Variants in PRICKLE1 observed in about 807,000 individuals in gnomAD.
PRICKLE1 encodes prickle-like protein 1.
In PRICKLE1, 14 loss-of-function variants were observed where a neutral mutation model predicts 70.2. That is an observed-to-expected ratio of 0.20 (90% CI 0.13 to 0.31). PRICKLE1 has a LOEUF of 0.31. PRICKLE1 is among the 10% of genes least tolerant of loss of function. The pLI, the probability that PRICKLE1 is intolerant of heterozygous loss-of-function variation, is 1.00. For synonymous variants in PRICKLE1, 357 were observed against 379.9 expected, an observed-to-expected ratio of 0.94 and a Z score of 0.70; for missense variants, 821 against 1,026.2, an observed-to-expected ratio of 0.80 and a Z score of 2.73.
At position 42,458,657 on chromosome 12, in the gene PRICKLE1, T is replaced by C. The variant is rs1217197587; in HGVS notation, c.*1152A>G. On this transcript the variant is annotated 3_prime_UTR_variant, in exon 8 of 8. Coordinates refer to ENST00000345127, the MANE Select transcript of PRICKLE1 (RefSeq NM_153026.3). The stretch of plus-strand genomic sequence containing the variant: ...AGGGAAGGAATAAAAAGGAATAACC[T>C]CTCTTAAAATAACAAATCTACAAAG... 6.6e-6 allele frequency: 1 copy of C among 152,154 alleles called. No homozygotes were observed. Among genetic ancestry groups the C allele is most frequent in the Non-Finnish European group, 1.5e-5 (1 of 68,034 alleles). The allele number at this position is 152,154 out of a possible 1,614,324, so 9.4% of individuals were successfully genotyped here.
chr12:42,553,599 G>A (rs879424412), intron 1 of PRICKLE1, among the ~76,000 whole-genome samples: 1 of 152,094 alleles, frequency 6.6e-6, no homozygotes, highest in Non-Finnish European at 1.5e-5. Flanking sequence ...CCTTGGGCAA[G>A]TTACTTAACC....
chr12:42,566,118 G>A (rs952846933), intron 1 of PRICKLE1, among the ~76,000 whole-genome samples: 36 of 152,208 alleles, frequency 2.4e-4, no homozygotes, highest in Admixed American at 1.2e-3. Context: ...TCAAAGGTGT[G>A]GTATCATGAG....
intron 1 of PRICKLE1, among the ~76,000 whole-genome samples, chr12:42,491,359 C>T (rs1939101673): frequency 6.6e-6 from 1 of 151,374 alleles, no homozygotes; most frequent in South Asian, 2.1e-4. Flanking sequence ...TCAAGACCAG[C>T]CTGGCCAACA....
intron 1 of PRICKLE1, among the ~76,000 whole-genome samples, chr12:42,477,920 A>G (rs1938632599): frequency 6.7e-6 from 1 of 148,846 alleles, no homozygotes; most frequent in Non-Finnish European, 1.5e-5. Flanking sequence ...TTGTAGAACC[A>G]TGCTTAGATG....
At position 42,472,404 on chromosome 12, in the gene PRICKLE1, G is replaced by A. The variant is rs145493619; in HGVS notation, c.113C>T (p.Pro38Leu). The change falls in exon 2 of 8, where the codon CCG becomes CTG. Residue 38 changes from proline (P) to leucine (L), a missense_variant. Coordinates refer to ENST00000345127, the MANE Select transcript of PRICKLE1 (RefSeq NM_153026.3). The stretch of plus-strand genomic sequence containing the variant: ...TCCTACCTGCTCTGGTCTCAGGCCC[G>A]GGGGGACCCAGGCGTACTCCTCCAA... ...CALEEYAWVPPGLRPEQIQLY... is the reference protein window; with the variant it reads ...CALEEYAWVPLGLRPEQIQLY... 2.5e-4 allele frequency: 411 copies of A among 1,613,742 alleles called. 4 individuals are homozygous for A. The East Asian group carries it at 8.8e-3, about 35-fold the overall frequency.
intron 1 of PRICKLE1, among the ~76,000 whole-genome samples, chr12:42,501,508 CAA>C (rs879927442): frequency 1.8e-5 from 1 of 55,706 alleles, no homozygotes; most frequent in South Asian, 6.7e-4. Flanking sequence ...GACTCCATCT[CAA>C]AAAAAAAAAA....
rs144282388 is a variant in PRICKLE1, at chr12:42,573,767, T to G, written c.-49+15698A>C. ...CCAGGCTGGTCTCAAACTCCTGGGC[T>G]CAAGTGATCCACCCGCCTTGGCCTC... On this transcript the variant is annotated intron_variant, in intron 1 of 7. Transcript: ENST00000345127. 3.6e-3 allele frequency among the ~76,000 whole-genome samples: 552 copies of G among 152,148 alleles called. 7 individuals carry two copies. Among genetic ancestry groups the G allele is most frequent in the East Asian group, 0.034 (178 of 5,174 alleles).
At chr12:42,477,535 A>ATAG (rs1938617365) in intron 1 of PRICKLE1, among the ~76,000 whole-genome samples, 1 of 125,932 alleles carries the variant, frequency 7.9e-6, no homozygotes, top group Admixed American at 8.3e-5. Flanking sequence ...TATATATATG[A>ATAG]CCTCACAAAT....
chr12:42,471,982 CATTGCTGAG>C (rs1938341315), intron 2 of PRICKLE1, among the ~76,000 whole-genome samples: 1 of 152,194 alleles, frequency 6.6e-6, no homozygotes. Flanking sequence ...AAAGCAAAAG[CATTGCTGAG>C]AACTGGCATG....
At chr12:42,508,127 G>A (rs892423251) in intron 1 of PRICKLE1, among the ~76,000 whole-genome samples, 9 of 151,944 alleles carry the variant, frequency 5.9e-5, no homozygotes, top group African/African-American at 2.2e-4. Flanking sequence ...GGCTCTAGTG[G>A]AAAATGGAAA....
chr12:42,464,698 C>G lies in PRICKLE1; in HGVS notation c.1336G>C (p.Asp446His), dbSNP rs764022861. 1 of 1,614,046 alleles carries G rather than the reference C, an allele frequency of 6.2e-7. No individual in the cohort carries two copies. ...TCGGTCTTACTTTTAACCATGTTAT[C>G]AGATATCCAGTGCTCACTGGCTCGA... ...DIRASEHWIS[D>H]NMVKSKTELK... The change falls in exon 7 of 8, where the codon GAT (aspartate) becomes CAT (histidine). Residue 446 changes from aspartate to histidine, a missense_variant. Transcript: ENST00000345127. The surrounding 1 kb of genome is among the most constrained non-coding windows in gnomAD (Gnocchi z 4.2).
chr12:42,563,204 A>T (rs1469072202), intron 1 of PRICKLE1, among the ~76,000 whole-genome samples: 1 of 151,802 alleles, frequency 6.6e-6, no homozygotes, highest in Non-Finnish European at 1.5e-5. Flanking sequence ...ATTTTTTTTG[A>T]ACAGGACAAT....
chr12:42,489,033 C>T (rs944754479), intron 1 of PRICKLE1, among the ~76,000 whole-genome samples: 6 of 151,488 alleles, frequency 4.0e-5, no homozygotes, highest in African/African-American at 1.2e-4. Flanking sequence ...AAGCGATTCT[C>T]CTGCCTCAGC....
chr12:42,468,193 C>A (rs538334024), intron 5 of PRICKLE1, among the ~76,000 whole-genome samples: 1 of 152,134 alleles, frequency 6.6e-6, no homozygotes, highest in Non-Finnish European at 1.5e-5. Context: ...CCACCTTCCC[C>A]GAGGGTAACT....
chr12:42,532,065 G>C (rs1413034975), intron 1 of PRICKLE1, among the ~76,000 whole-genome samples: 1 of 152,210 alleles, frequency 6.6e-6, no homozygotes, highest in Non-Finnish European at 1.5e-5. Flanking sequence ...TTGAAAGGCT[G>C]AAGTGGAAAC....
At chr12:42,478,029 G>C (rs1938638927) in intron 1 of PRICKLE1, among the ~76,000 whole-genome samples, 1 of 144,880 alleles carries the variant, frequency 6.9e-6, no homozygotes, top group South Asian at 2.2e-4. Flanking sequence ...AATAGTAAAA[G>C]AACTCTGATG....
intron 1 of PRICKLE1, among the ~76,000 whole-genome samples, chr12:42,521,804 TCATGTGAAGAA>T (rs980229528): frequency 5.9e-5 from 9 of 152,104 alleles, no homozygotes; most frequent in African/African-American, 1.9e-4. Context: ...TAAGAATGTC[TCATGTGAAGAA>T]CATGTCTACA....
chr12:42,576,135 T>C (rs922994233), intron 1 of PRICKLE1, among the ~76,000 whole-genome samples: 16 of 152,176 alleles, frequency 1.1e-4, no homozygotes, highest in African/African-American at 3.6e-4. Context: ...AGGAAAACCA[T>C]GCCACCAAAT....
At chr12:42,552,995 C>T (rs1325362897) in intron 1 of PRICKLE1, among the ~76,000 whole-genome samples, 1 of 152,228 alleles carries the variant, frequency 6.6e-6, no homozygotes, top group Non-Finnish European at 1.5e-5. Context: ...GGAGGTGGAG[C>T]TCAGGCTGTA....
Sources: gnomAD v4.1 joint callset for allele counts (sites outside exome capture counted in the v4.1 genomes callset) on GRCh38, gnomAD v4.1.1 for gene constraint, Gnocchi (gnomAD v3.1) non-coding constraint, MANE v1.5 for transcripts, NCBI Gene and HGNC (gene_info 2026-07-23, HGNC 2026-07-21) for gene names.